The following NRXN1 variants were observed in gnomAD, a reference collection of about 807,000 sequenced individuals.
NRXN1 encodes neurexin 1.
A neutral mutation model predicts 150.9 loss-of-function variants in NRXN1; 39 were observed. The observed-to-expected ratio is 0.26, with a 90% CI of 0.20 to 0.34. The LOEUF (loss-of-function observed/expected upper bound fraction) is 0.34, where lower values mean the gene tolerates loss of function less well. NRXN1 is among the 10% of genes least tolerant of loss of function. NRXN1 has a pLI of 1.00. For synonymous variants in NRXN1, 924 were observed against 757.0 expected (o/e 1.22, Z -3.62); for missense variants, 1,815 against 1,949.9 (o/e 0.93, Z 1.30).
At chr2:50,866,896 T>C (rs1677015902) in intron 5 of NRXN1, among the ~76,000 whole-genome samples, 1 of 151,930 alleles carries the variant, frequency 6.6e-6, no homozygotes, top group African/African-American at 2.4e-5. Context: ...ACAGGGAACC[T>C]GCTCTCTTAG....
intron 8 of NRXN1, among the ~76,000 whole-genome samples, chr2:50,597,552 C>G (rs1233078733): frequency 6.6e-6 from 1 of 152,090 alleles, no homozygotes; most frequent in Non-Finnish European, 1.5e-5. Context: ...TGGTTTTCTC[C>G]CACGTCTCCT....
intron 5 of NRXN1, among the ~76,000 whole-genome samples, chr2:50,697,677 T>C (rs926200923): frequency 2.0e-5 from 3 of 152,208 alleles, no homozygotes; most frequent in African/African-American, 7.2e-5. Flanking sequence ...GTGAATTAGA[T>C]TACATCATTC....
chr2:50,642,701 A>G (rs1000326798), intron 5 of NRXN1, among the ~76,000 whole-genome samples: 2 of 152,030 alleles, frequency 1.3e-5, no homozygotes, highest in African/African-American at 2.4e-5. Context: ...GAAGAATGCA[A>G]TCTACCAAAA....
At chr2:50,427,247 T>A (rs768039007) in intron 17 of NRXN1, among the ~76,000 whole-genome samples, 1 of 151,760 alleles carries the variant, frequency 6.6e-6, no homozygotes, top group African/African-American at 2.4e-5. Flanking sequence ...TGTAAATACA[T>A]AAAGTTGTGC....
intron 17 of NRXN1, among the ~76,000 whole-genome samples, chr2:50,306,489 T>C (rs941216919): frequency 2.0e-5 from 3 of 152,206 alleles, no homozygotes; most frequent in Non-Finnish European, 2.9e-5. Context: ...AGCTATTTTA[T>C]AGATAAAAGA....
At chr2:50,302,850 T>G (rs989604300) in intron 17 of NRXN1, among the ~76,000 whole-genome samples, 4 of 152,164 alleles carry the variant, frequency 2.6e-5, no homozygotes, top group Admixed American at 2.0e-4. Context: ...GTTCCGAATT[T>G]GTTGGATATT....
At chr2:50,006,271 C>T (rs1391444285) in intron 21 of NRXN1, among the ~76,000 whole-genome samples, 7 of 152,110 alleles carry the variant, frequency 4.6e-5, no homozygotes, top group East Asian at 3.9e-4. Context: ...CTTGAACTAC[C>T]GCACTTGCTT....
intron 2 of NRXN1, among the ~76,000 whole-genome samples, chr2:50,948,746 C>A (rs1289604842): frequency 6.6e-6 from 1 of 151,904 alleles, no homozygotes; most frequent in East Asian, 1.9e-4. Flanking sequence ...CTAATTGAGC[C>A]CAGTTACTTT....
intron 2 of NRXN1, among the ~76,000 whole-genome samples, chr2:50,938,410 A>AT (rs1037107763): frequency 6.6e-6 from 1 of 152,148 alleles, no homozygotes; most frequent in African/African-American, 2.4e-5. Context: ...CACTATCAGT[A>AT]TTTTTGTCAG....
chr2:50,610,642 C>CATATAT (rs71404969), intron 8 of NRXN1, among the ~76,000 whole-genome samples: 1,907 of 42,750 alleles, frequency 0.045, 187 homozygotes, highest in Non-Finnish European at 0.054. Flanking sequence ...TAAATAGATA[C>CATATAT]ATATATATAT....
intron 17 of NRXN1, chr2:50,417,019 C>G (rs2083588114): frequency 6.6e-6 from 1 of 152,092 alleles, no homozygotes; most frequent in South Asian, 2.1e-4. Flanking sequence ...AATCAAAAAA[C>G]AGTAACGGTT....
intron 5 of NRXN1, among the ~76,000 whole-genome samples, chr2:50,636,431 TC>T (rs2104445742): frequency 1.3e-5 from 2 of 152,270 alleles, no homozygotes; most frequent in African/African-American, 4.8e-5. Context: ...AATGTTTCTT[TC>T]CATTCTAAAA....
intron 2 of NRXN1, among the ~76,000 whole-genome samples, chr2:50,927,450 C>A (rs1235266486): frequency 6.6e-6 from 1 of 151,852 alleles, no homozygotes; most frequent in Non-Finnish European, 1.5e-5. Context: ...AATATTTGGT[C>A]TGTGATATTG....
intron 21 of NRXN1, among the ~76,000 whole-genome samples, chr2:50,028,318 C>T (rs1202072583): frequency 6.6e-6 from 1 of 152,198 alleles, no homozygotes; most frequent in Non-Finnish European, 1.5e-5. Flanking sequence ...TTTACCCACT[C>T]TTCCTAGGTA....
At chr2:50,933,750 C>A (rs1688118688) in intron 2 of NRXN1, among the ~76,000 whole-genome samples, 1 of 151,922 alleles carries the variant, frequency 6.6e-6, no homozygotes, top group Non-Finnish European at 1.5e-5. Flanking sequence ...TTCTAGGTAC[C>A]CTAATGATTC....
At chr2:51,009,918 C>T (rs541800801) in intron 2 of NRXN1, among the ~76,000 whole-genome samples, 3 of 151,828 alleles carry the variant, frequency 2.0e-5, no homozygotes, top group South Asian at 2.1e-4. Context: ...ATCTGACACA[C>T]GAGACCAAGT....
At chr2:50,493,339 A>G (rs2091369742) in intron 15 of NRXN1, among the ~76,000 whole-genome samples, 1 of 152,142 alleles carries the variant, frequency 6.6e-6, no homozygotes, top group South Asian at 2.1e-4. Context: ...CTCACCCTTC[A>G]AATATCCCTC....
At chr2:50,660,630 A>G (rs763671947) in intron 5 of NRXN1, among the ~76,000 whole-genome samples, 3 of 152,014 alleles carry the variant, frequency 2.0e-5, no homozygotes, top group Non-Finnish European at 4.4e-5. Flanking sequence ...AGAACAGGTG[A>G]GAGGCTTGAC....
chr2:50,988,952 T>C (rs541855083), intron 2 of NRXN1, among the ~76,000 whole-genome samples: 3 of 152,092 alleles, frequency 2.0e-5, no homozygotes, highest in African/African-American at 7.2e-5. Context: ...ACTTCTCTCC[T>C]TGTCTTTCAA....
Sources: allele counts gnomAD v4.1 joint callset (sites outside exome capture counted in the v4.1 genomes callset), GRCh38; gene constraint gnomAD v4.1.1; transcripts MANE v1.5; gene names NCBI Gene and HGNC (gene_info 2026-07-23, HGNC 2026-07-21).